Variants in L2HGDH observed in about 807,000 individuals in gnomAD.
The protein encoded by L2HGDH is L-2-hydroxyglutarate dehydrogenase, mitochondrial.
A neutral mutation model predicts 51.5 loss-of-function variants in L2HGDH; 34 were observed. That is an observed-to-expected ratio of 0.66 (90% CI 0.50 to 0.88). The LOEUF (loss-of-function observed/expected upper bound fraction) is 0.88. Among genes scored for constraint, L2HGDH ranks in the 40% least tolerant of loss-of-function variants. The pLI is 0.00. For synonymous variants in L2HGDH, 198 were observed against 197.9 expected, an observed-to-expected ratio of 1.00 and a Z score of -0.01; for missense variants, 558 against 571.9, an observed-to-expected ratio of 0.98 and a Z score of 0.25.
At chr14:50,268,031 G>T in intron 7 of L2HGDH, 121 bp from the exon 8 acceptor site, 1 of 963,190 alleles carries the variant, frequency 1.0e-6, no homozygotes, top group Non-Finnish European at 1.7e-6. Flanking sequence ...ATTGTGAGCT[G>T]TACTCAGATA....
intron 3 of L2HGDH, among the ~76,000 whole-genome samples, chr14:50,301,765 A>G (rs4901011): frequency 0.58 from 88,051 of 151,876 alleles, 25,530 homozygotes; most frequent in East Asian, 0.66. Flanking sequence ...GCTCAGCTCT[A>G]TAAATATACT....
intron 1 of L2HGDH, among the ~76,000 whole-genome samples, chr14:50,306,823 A>T (rs530129097): frequency 1.5e-4 from 23 of 151,736 alleles, no homozygotes; most frequent in Admixed American, 5.9e-4. Context: ...ATTTTTTTTT[A>T]AAAAATTTTG....
At position 50,297,552 on chromosome 14, in the gene L2HGDH, C is replaced by T. The variant is rs187801612; in HGVS notation, c.409-3306G>A. ...ATCACAAAGAATAAACTACTGAGCA[C>T]TACAGACCAAATGGACCTAACAGAT... On this transcript the variant is annotated intron_variant, in intron 3 of 9. Coordinates refer to ENST00000267436, the MANE Select transcript of L2HGDH (RefSeq NM_024884.3). 7.9e-4 allele frequency among the ~76,000 whole-genome samples: 120 copies of T among 152,280 alleles called. 1 individual carries two copies. The highest frequency in any genetic ancestry group is 7.7e-3 in the Admixed American group (118 of 15,298).
At chr14:50,279,648 T>C (rs1890153815) in intron 5 of L2HGDH, among the ~76,000 whole-genome samples, 1 of 149,884 alleles carries the variant, frequency 6.7e-6, no homozygotes, top group African/African-American at 2.5e-5. Context: ...AAGACAAGCA[T>C]GGACAACATA....
intron 9 of L2HGDH, among the ~76,000 whole-genome samples, chr14:50,260,582 T>C (rs891870921): frequency 2.0e-4 from 31 of 152,222 alleles, no homozygotes; most frequent in Non-Finnish European, 2.2e-4. Context: ...ATTTTCTTTC[T>C]GTTTTTTGCT....
At chr14:50,307,856 T>C (rs1348503599) in intron 1 of L2HGDH, among the ~76,000 whole-genome samples, 1 of 152,226 alleles carries the variant, frequency 6.6e-6, no homozygotes, top group East Asian at 1.9e-4. Context: ...TCACCTAATA[T>C]TCACTTTAAA....
chr14:50,287,691 CTTTTTTTTTTTTTT>C (rs911689718), intron 4 of L2HGDH, among the ~76,000 whole-genome samples: 5 of 85,276 alleles, frequency 5.9e-5, no homozygotes, highest in African/African-American at 2.5e-4. Context: ...TATTTTTTTC[CTTTTTTTTTTTTTT>C]TTTTTTTTTT....
chr14:50,261,793 C>T (rs1889041899), intron 9 of L2HGDH, among the ~76,000 whole-genome samples: 2 of 152,106 alleles, frequency 1.3e-5, no homozygotes, highest in African/African-American at 4.8e-5. Context: ...CTAGAGCTAA[C>T]ATTAAGAGTC....
In L2HGDH at chr14:50,243,274, G is replaced by T; in HGVS notation, c.*3784C>A. 1 of 985,392 alleles carries T rather than the reference G, an allele frequency of 1.0e-6. No homozygotes were observed. The highest frequency in any genetic ancestry group is 1.2e-6 in the Non-Finnish European group (1 of 829,920). The allele number at this position is 985,392 out of a possible 1,614,324, so 61.0% of individuals were successfully genotyped here. On this transcript the variant is annotated 3_prime_UTR_variant, in exon 10 of 10. Coordinates refer to ENST00000267436, the MANE Select transcript of L2HGDH (RefSeq NM_024884.3). ...ATCAAGAGTTCCTCACAAACACTCT[G>T]AAGTTAAAATCTAAAATGCTCCACT... is the stretch of plus-strand genomic sequence containing the variant.
intron 3 of L2HGDH, 142 bp downstream of exon 3, chr14:50,301,875 T>G: frequency 3.6e-6 from 3 of 827,422 alleles, no homozygotes; most frequent in Non-Finnish European, 5.7e-6. Context: ...TCACACCATC[T>G]TTTTTTAGTT....
chr14:50,311,786 GC>G (rs2031214644), intron 1 of L2HGDH, among the ~76,000 whole-genome samples: 1 of 152,196 alleles, frequency 6.6e-6, no homozygotes, highest in Non-Finnish European at 1.5e-5. Flanking sequence ...CAAAGCCAGA[GC>G]TACTCCCGAC....
intron 6 of L2HGDH, 130 bp from the exon 7 acceptor site, chr14:50,269,460 A>G (rs954361324): frequency 1.2e-5 from 10 of 801,192 alleles, no homozygotes; most frequent in Non-Finnish European, 1.8e-5. Context: ...TATTCAATAC[A>G]GGTATCAGCA....
chr14:50,282,772 T>G (rs780490113), intron 5 of L2HGDH, among the ~76,000 whole-genome samples: 2 of 152,194 alleles, frequency 1.3e-5, no homozygotes, highest in Non-Finnish European at 2.9e-5. Context: ...CCAGGCACAG[T>G]GGCTCACGCC....
At chr14:50,259,010 CT>C (rs554295046) in intron 9 of L2HGDH, among the ~76,000 whole-genome samples, 1,387 of 121,482 alleles carry the variant, frequency 0.011, 22 homozygotes, top group African/African-American at 0.035. Context: ...ACGCCAGGCT[CT>C]TTTTTTTTTT....
intron 4 of L2HGDH, among the ~76,000 whole-genome samples, chr14:50,291,219 A>C (rs1231735272): frequency 2.6e-5 from 4 of 151,068 alleles, no homozygotes; most frequent in African/African-American, 7.3e-5. Flanking sequence ...AAAAAAAAAA[A>C]AAAAACAAAC....
chr14:50,307,320 C>T (rs1359981748), intron 1 of L2HGDH, among the ~76,000 whole-genome samples: 2 of 152,192 alleles, frequency 1.3e-5, no homozygotes, highest in Non-Finnish European at 2.9e-5. Context: ...CCCTTCACTC[C>T]CTCTTCTCAA....
rs528224878 is a variant in L2HGDH at position 50,265,805 on chromosome 14, T to A, written c.1065-316A>T. On this transcript the variant is annotated intron_variant, in intron 8 of 9. Coordinates refer to ENST00000267436, the MANE Select transcript of L2HGDH (RefSeq NM_024884.3). ...GGTGCACACCTGTAATCCCAGCTAA[T>A]CAAGAGGCTGAGGCAGGAGAATTGC... Among the ~76,000 whole-genome samples the A allele has an allele frequency of 2.0e-5, 3 of 152,152 alleles. No individual in the cohort carries two copies. The East Asian group carries it at 5.8e-4, about 29-fold the overall frequency.
At chr14:50,309,748 T>C (rs2030959192) in intron 1 of L2HGDH, among the ~76,000 whole-genome samples, 1 of 150,584 alleles carries the variant, frequency 6.6e-6, no homozygotes, top group Non-Finnish European at 1.5e-5. Context: ...GGCGGTGTAA[T>C]CACAGGTCAC....
At chr14:50,268,240 G>C (rs1375428067) in intron 7 of L2HGDH, among the ~76,000 whole-genome samples, 1 of 151,946 alleles carries the variant, frequency 6.6e-6, no homozygotes, top group East Asian at 1.9e-4. Context: ...TTAGCCTGGC[G>C]TGGTGGTGTG....
Sources: allele counts gnomAD v4.1 joint callset (sites outside exome capture counted in the v4.1 genomes callset), GRCh38; gene constraint gnomAD v4.1.1; transcripts MANE v1.5; gene names NCBI Gene and HGNC (gene_info 2026-07-23, HGNC 2026-07-21).